The following ONECUT1 variants were observed in gnomAD, a reference collection of about 807,000 sequenced individuals.
ONECUT1 encodes the protein hepatocyte nuclear factor 6.
Under a neutral mutation model 25.6 loss-of-function variants are expected in ONECUT1, and 12 were observed. That is an observed-to-expected ratio of 0.47 (90% CI 0.30 to 0.76). The LOEUF (loss-of-function observed/expected upper bound fraction) is 0.76. Among genes scored for constraint, ONECUT1 ranks in the 30% least tolerant of loss-of-function variants. The probability of loss-of-function intolerance (pLI) is 0.07; values close to 1 mark genes in which losing one functional copy is unlikely to be tolerated. For synonymous variants in ONECUT1, 285 were observed against 270.2 expected, an observed-to-expected ratio of 1.05 and a Z score of -0.54; for missense variants, 620 against 651.2, an observed-to-expected ratio of 0.95 and a Z score of 0.52.
chr15:52,777,420 T>C (rs1371861920), intron 1 of ONECUT1, among the ~76,000 whole-genome samples: 1 of 152,134 alleles, frequency 6.6e-6, no homozygotes, highest in Admixed American at 6.5e-5. Flanking sequence ...AGTCCATGGC[T>C]CCCTACCACT....
chr15:52,774,764 T>C (rs1375438786), intron 1 of ONECUT1, among the ~76,000 whole-genome samples: 1 of 152,222 alleles, frequency 6.6e-6, no homozygotes, highest in Admixed American at 6.5e-5. Flanking sequence ...GGTACAATAA[T>C]TAACTTTTTG....
In ONECUT1 at chr15:52,756,359, C is replaced by A. The variant is rs951067102; in HGVS notation, c.*1196G>T. Among the ~76,000 whole-genome samples, 1 of 152,096 alleles carries A rather than the reference C, an allele frequency of 6.6e-6. No individual in the cohort carries two copies. Among genetic ancestry groups the A allele is most frequent in the African/African-American group, 2.4e-5 (1 of 41,414 alleles). On this transcript the variant is annotated 3_prime_UTR_variant, in exon 2 of 2. Transcript: ENST00000305901. ...GGTTTTTGGTGCCAGATGCATAAAG[C>A]AAATATAAGTCAATTAATCTAAGGA... is the stretch of plus-strand genomic sequence containing the variant.
At chr15:52,770,943 T>G (rs990999972) in intron 1 of ONECUT1, among the ~76,000 whole-genome samples, 5 of 152,166 alleles carry the variant, frequency 3.3e-5, no homozygotes, top group African/African-American at 7.2e-5. Flanking sequence ...TCCTCAATGT[T>G]GACAAGAATA....
chr15:52,781,461 G>A (rs1332071178), intron 1 of ONECUT1, among the ~76,000 whole-genome samples: 1 of 152,138 alleles, frequency 6.6e-6, no homozygotes, highest in Non-Finnish European at 1.5e-5. Context: ...AGAGACTTTT[G>A]AATCAGTTAT....
intron 1 of ONECUT1, among the ~76,000 whole-genome samples, chr15:52,777,744 A>AAAAAAC (rs753677708): frequency 0.02 from 2,900 of 146,040 alleles, 77 homozygotes; most frequent in African/African-American, 0.028. Context: ...ACACAAAAAA[A>AAAAAAC]CATGTAAAGT....
At chr15:52,779,590 C>G (rs2083826754) in intron 1 of ONECUT1, among the ~76,000 whole-genome samples, 1 of 152,184 alleles carries the variant, frequency 6.6e-6, no homozygotes, top group Non-Finnish European at 1.5e-5. Flanking sequence ...ATTGATCATT[C>G]TTGTCCTTGG....
At chr15:52,761,384 C>T (rs764858894) in intron 1 of ONECUT1, among the ~76,000 whole-genome samples, 2 of 152,092 alleles carry the variant, frequency 1.3e-5, no homozygotes, top group South Asian at 2.1e-4. Context: ...AGAAAACCAC[C>T]GTAGGGCCAG....
intron 1 of ONECUT1, among the ~76,000 whole-genome samples, chr15:52,773,088 G>C (rs547605460): frequency 1.5e-4 from 23 of 152,310 alleles, no homozygotes; most frequent in Non-Finnish European, 2.9e-4. Flanking sequence ...CAGGTGGGGT[G>C]GGGAGAGAGA....
In ONECUT1 at chr15:52,757,748, G is replaced by GC; in HGVS notation, c.1204dup (p.Ala402GlyfsTer7). 6.2e-7 allele frequency: 1 copy of GC among 1,614,160 alleles called. No homozygotes were observed. The highest frequency in any genetic ancestry group is 8.5e-7 in the Non-Finnish European group (1 of 1,180,022). Reference sequence around the variant, plus strand: ...TGGACGCTTATTTTCCTTGAATATTGCATGTAGAGTTCGACGCTGGACATC... The same window carrying GC: ...TGGACGCTTATTTTCCTTGAATATTGCCATGTAGAGTTCGACGCTGGACATC... On this transcript the variant is annotated frameshift_variant, in exon 2 of 2. Coordinates refer to ENST00000305901, the MANE Select transcript of ONECUT1 (RefSeq NM_004498.4). LOFTEE classifies it high-confidence loss of function.
intron 1 of ONECUT1, chr15:52,780,866 ACCGTCGATT>A: frequency 1.5e-6 from 2 of 1,348,090 alleles, no homozygotes. Context: ...GATTTCAGAA[ACCGTCGATT>A]CTGAATATCC....
At chr15:52,761,766 C>T (rs1341406611) in intron 1 of ONECUT1, among the ~76,000 whole-genome samples, 1 of 152,210 alleles carries the variant, frequency 6.6e-6, no homozygotes, top group Non-Finnish European at 1.5e-5. Flanking sequence ...AAGAAGACTT[C>T]TTGACTACTT....
chr15:52,775,027 T>C (rs2141455998), intron 1 of ONECUT1, among the ~76,000 whole-genome samples: 1 of 152,224 alleles, frequency 6.6e-6, no homozygotes, highest in Non-Finnish European at 1.5e-5. Flanking sequence ...CTGTCTCTAC[T>C]GAAAATACAA....
intron 1 of ONECUT1, among the ~76,000 whole-genome samples, chr15:52,769,886 A>G (rs113515445): frequency 7.9e-5 from 12 of 152,352 alleles, no homozygotes; most frequent in African/African-American, 2.9e-4. Flanking sequence ...GGATAATGTC[A>G]GCAAATATCC....
At chr15:52,771,490 GAA>G in intron 1 of ONECUT1, among the ~76,000 whole-genome samples, 1 of 149,730 alleles carries the variant, frequency 6.7e-6, no homozygotes, top group East Asian at 2.0e-4. Flanking sequence ...TATATCTATG[GAA>G]AAAAGTTTAG....
At chr15:52,782,920 C>T (rs2083850618) in intron 1 of ONECUT1, among the ~76,000 whole-genome samples, 1 of 152,182 alleles carries the variant, frequency 6.6e-6, no homozygotes. Flanking sequence ...TGGAGAGCCT[C>T]CTTCTTAATT....
Position 52,788,915 on chromosome 15 carries a change from G to C in ONECUT1, c.970C>G (p.Gln324Glu). Reference sequence around the variant, plus strand: ...CGCAGCAGGTCCGAGAGGGTCCCCTGGGAGCGGCAGAGCACCCTCTGCGCG... The same window carrying C: ...CGCAGCAGGTCCGAGAGGGTCCCCTCGGAGCGGCAGAGCACCCTCTGCGCG... The part of the protein sequence containing the change: ...IFAQRVLCRS[Q>E]GTLSDLLRNP... Residue 324 changes from glutamine (Q) to glutamate (E), a missense_variant, in exon 1 of 2, where the codon CAG (glutamine) becomes GAG (glutamate). Around this residue, in one of 4 missense-constraint regions of ONECUT1, gnomAD observed 146 missense variants for 201.8 expected, o/e 0.72. Transcript: ENST00000305901. This position sits in a 1 kb window ranked among gnomAD's most constrained non-coding sequence, Gnocchi z 4.3. The C allele has an allele frequency of 6.2e-7, 1 of 1,614,120 alleles. No homozygotes were observed. Among genetic ancestry groups the C allele is most frequent in the Non-Finnish European group, 8.5e-7 (1 of 1,180,032 alleles).
intron 1 of ONECUT1, among the ~76,000 whole-genome samples, chr15:52,774,132 C>T (rs1379229583): frequency 6.7e-6 from 1 of 149,136 alleles, no homozygotes; most frequent in Non-Finnish European, 1.5e-5. Flanking sequence ...TACACACACA[C>T]ACACACACAC....
At chr15:52,787,878 G>A (rs2083887405) in intron 1 of ONECUT1, 2 of 152,220 alleles carry the variant, frequency 1.3e-5, no homozygotes, top group African/African-American at 2.4e-5. Flanking sequence ...CTGCGCCAAG[G>A]AGAGCTTCCA....
intron 1 of ONECUT1, among the ~76,000 whole-genome samples, chr15:52,785,550 T>A (rs2083869061): frequency 6.6e-6 from 1 of 152,210 alleles, no homozygotes; most frequent in African/African-American, 2.4e-5. Context: ...GTGCTGCGCT[T>A]GCTGTTGGGT....
Sources: gnomAD v4.1 joint callset for allele counts (sites outside exome capture counted in the v4.1 genomes callset) on GRCh38, gnomAD v4.1.1 for gene constraint, gnomAD v4.1.1 regional missense constraint, Gnocchi (gnomAD v3.1) non-coding constraint, MANE v1.5 for transcripts, NCBI Gene and HGNC (gene_info 2026-07-23, HGNC 2026-07-21) for gene names.